Variants in HCRTR2 observed in about 807,000 individuals in gnomAD.
HCRTR2 encodes the protein orexin receptor type 2.
HCRTR2 carries 22 observed loss-of-function variants against 49.0 expected under a neutral mutation model. That is an observed-to-expected ratio of 0.45 (90% CI 0.32 to 0.64). The LOEUF (loss-of-function observed/expected upper bound fraction) is 0.64, where lower values mean the gene tolerates loss of function less well. Ranked by LOEUF, HCRTR2 falls within the 30% of genes least tolerant of loss-of-function variation. The pLI is 0.04. For missense variants in HCRTR2, 491 were observed against 559.4 expected, an observed-to-expected ratio of 0.88 and a Z score of 1.23; for synonymous variants, 236 against 205.3, an observed-to-expected ratio of 1.15 and a Z score of -1.28.
upstream of HCRTR2, among the ~76,000 whole-genome samples, chr6:55,171,596 T>C (rs115466230): frequency 2.5e-3 from 386 of 152,320 alleles, 3 homozygotes; most frequent in African/African-American, 9.0e-3. Context: ...AAGTGAATAT[T>C]TTATGACATT....
intron 1 of HCRTR2, among the ~76,000 whole-genome samples, chr6:55,210,194 A>G (rs186379460): frequency 2.6e-5 from 4 of 152,280 alleles, no homozygotes; most frequent in Admixed American, 2.0e-4. Flanking sequence ...TTTCTTAGGC[A>G]GGTATGCTTA....
chr6:55,210,086 TG>T (rs2127291109), intron 1 of HCRTR2, among the ~76,000 whole-genome samples: 1 of 152,276 alleles, frequency 6.6e-6, no homozygotes, highest in African/African-American at 2.4e-5. Flanking sequence ...AATGCCTTTT[TG>T]TTTATCTTTT....
intron 1 of HCRTR2, among the ~76,000 whole-genome samples, chr6:55,155,416 A>G (rs951972427): frequency 6.6e-6 from 1 of 152,002 alleles, no homozygotes; most frequent in African/African-American, 2.4e-5. Flanking sequence ...CCAAACTTGT[A>G]TTTAAATAGT....
chr6:55,130,817 G>A (rs1449882605), intron 1 of HCRTR2, among the ~76,000 whole-genome samples: 2 of 151,772 alleles, frequency 1.3e-5, no homozygotes, highest in African/African-American at 4.8e-5. Flanking sequence ...ACACAGAAAT[G>A]ACTTGTAAAC....
chr6:55,153,663 G>A (rs1299345512), intron 1 of HCRTR2, among the ~76,000 whole-genome samples: 7 of 151,808 alleles, frequency 4.6e-5, no homozygotes, highest in African/African-American at 1.2e-4. Context: ...CTCTAGCTGT[G>A]TTCTTATGAT....
At chr6:55,195,697 C>T (rs768608499) in intron 1 of HCRTR2, among the ~76,000 whole-genome samples, 2 of 152,098 alleles carry the variant, frequency 1.3e-5, no homozygotes, top group South Asian at 2.1e-4. Context: ...CATGGCCGGG[C>T]GTGGTGGCTC....
intron 4 of HCRTR2, among the ~76,000 whole-genome samples, chr6:55,268,958 G>A (rs1766915861): frequency 6.6e-6 from 1 of 151,368 alleles, no homozygotes. Flanking sequence ...GGTGAGGTGG[G>A]GGGCACCTGT....
At chr6:55,122,805 A>G (rs2127238923) in intron 1 of HCRTR2, among the ~76,000 whole-genome samples, 1 of 152,192 alleles carries the variant, frequency 6.6e-6, no homozygotes, top group East Asian at 1.9e-4. Context: ...TGATGAGTTC[A>G]TGTCCTTTGT....
At chr6:55,111,777 T>A (rs1764051460) in intron 1 of HCRTR2, among the ~76,000 whole-genome samples, 1 of 151,902 alleles carries the variant, frequency 6.6e-6, no homozygotes, top group Non-Finnish European at 1.5e-5. Flanking sequence ...GAGGAAATCC[T>A]CCCTAAATCA....
chr6:55,165,639 A>C (rs1178500922), intron 1 of HCRTR2, among the ~76,000 whole-genome samples: 1 of 151,520 alleles, frequency 6.6e-6, no homozygotes, highest in Non-Finnish European at 1.5e-5. Flanking sequence ...TCAAAATTTA[A>C]AACTTTTTTG....
chr6:55,206,940 A>G (rs1191470354), intron 1 of HCRTR2, among the ~76,000 whole-genome samples: 1 of 152,234 alleles, frequency 6.6e-6, no homozygotes, highest in East Asian at 1.9e-4. Flanking sequence ...TCTAGAAGAC[A>G]GGAGACTTCA....
At chr6:55,206,333 A>G (rs184813478) in intron 1 of HCRTR2, among the ~76,000 whole-genome samples, 2 of 152,268 alleles carry the variant, frequency 1.3e-5, no homozygotes, top group Admixed American at 1.3e-4. Flanking sequence ...TAAAATTGCA[A>G]GACAATTAAA....
chr6:55,254,855 ATAT>A (rs1766620174), intron 2 of HCRTR2, among the ~76,000 whole-genome samples: 2 of 152,062 alleles, frequency 1.3e-5, no homozygotes, highest in Admixed American at 1.3e-4. Context: ...AAAGAATGCC[ATAT>A]TATAAATTAA....
At chr6:55,192,413 G>GTGCA (rs1554171108) in intron 1 of HCRTR2, among the ~76,000 whole-genome samples, 1 of 128,450 alleles carries the variant, frequency 7.8e-6, no homozygotes, top group African/African-American at 2.9e-5. Context: ...GCGCGCGCGC[G>GTGCA]CACACACACA....
intron 1 of HCRTR2, among the ~76,000 whole-genome samples, chr6:55,193,702 AC>A (rs1765360939): frequency 1.3e-5 from 2 of 152,128 alleles, no homozygotes; most frequent in African/African-American, 4.8e-5. Context: ...CTCATAAAAT[AC>A]ATTAGTTTAA....
chr6:55,228,309 GC>G (rs1766050626), intron 1 of HCRTR2, among the ~76,000 whole-genome samples: 4 of 151,246 alleles, frequency 2.6e-5, no homozygotes, highest in Admixed American at 2.6e-4. Context: ...TGAAAAGACA[GC>G]AACAGAGTTT....
At chr6:55,272,306 G>A (rs186575746) in intron 4 of HCRTR2, among the ~76,000 whole-genome samples, 1 of 152,182 alleles carries the variant, frequency 6.6e-6, no homozygotes, top group Non-Finnish European at 1.5e-5. Context: ...GTTGAGAATA[G>A]GCAAATATAT....
chr6:55,122,980 G>C, intron 1 of HCRTR2, among the ~76,000 whole-genome samples: 1 of 111,014 alleles, frequency 9.0e-6, no homozygotes, highest in Admixed American at 1.1e-4. Context: ...GGTGGGGGGA[G>C]GGGGAAGGGA....
chr6:55,119,958 G>A (rs1410029692), intron 1 of HCRTR2, among the ~76,000 whole-genome samples: 2 of 152,050 alleles, frequency 1.3e-5, no homozygotes, highest in Admixed American at 1.3e-4. Flanking sequence ...TAAGGTATAA[G>A]GAAGGGGTCC....
Sources: gnomAD v4.1 joint callset for allele counts (sites outside exome capture counted in the v4.1 genomes callset) on GRCh38, gnomAD v4.1.1 for gene constraint, MANE v1.5 for transcripts, NCBI Gene and HGNC (gene_info 2026-07-23, HGNC 2026-07-21) for gene names.